The following CAMK4 variants were observed in gnomAD, a reference collection of about 807,000 sequenced individuals.
CAMK4 encodes the protein calcium/calmodulin-dependent protein kinase type IV.
In CAMK4, 22 loss-of-function variants were observed where a neutral mutation model predicts 44.9. The observed-to-expected ratio is 0.49, with a 90% confidence interval of 0.35 to 0.70. CAMK4 has a LOEUF of 0.70. Ranked by LOEUF, CAMK4 falls within the 30% of genes least tolerant of loss-of-function variation. CAMK4 has a pLI of 0.01. For missense variants in CAMK4, 498 were observed against 586.8 expected (o/e 0.85, Z 1.56); for synonymous variants, 218 against 215.4 (o/e 1.01, Z -0.11).
At chr5:111,378,228 C>T (rs775040128) in intron 4 of CAMK4, among the ~76,000 whole-genome samples, 1 of 152,026 alleles carries the variant, frequency 6.6e-6, no homozygotes, top group Non-Finnish European at 1.5e-5. Flanking sequence ...TATGAGAAAG[C>T]GGGCCCTCAC....
chr5:111,353,850 C>T (rs1006488358), intron 2 of CAMK4, among the ~76,000 whole-genome samples: 3 of 152,126 alleles, frequency 2.0e-5, no homozygotes, highest in Middle Eastern at 6.8e-3. Flanking sequence ...ACTGAAAGCA[C>T]ACAAATAAAT....
chr5:111,475,462 A>G (rs879638387), intron 8 of CAMK4, among the ~76,000 whole-genome samples: 1 of 152,234 alleles, frequency 6.6e-6, no homozygotes, highest in Non-Finnish European at 1.5e-5. Flanking sequence ...TGGGAAAATG[A>G]AGGGAAAAAT....
intron 7 of CAMK4, among the ~76,000 whole-genome samples, chr5:111,462,330 T>G (rs1754672458): frequency 6.6e-6 from 1 of 152,174 alleles, no homozygotes; most frequent in Non-Finnish European, 1.5e-5. Context: ...CACTTTGCAT[T>G]TCTTCCTTTG....
intron 5 of CAMK4, among the ~76,000 whole-genome samples, chr5:111,418,936 A>G (rs1234997288): frequency 2.6e-5 from 4 of 152,284 alleles, no homozygotes; most frequent in South Asian, 4.2e-4. Context: ...AGCATGATTT[A>G]TAGGCCTTTG....
chr5:111,354,176 GCTGGACACAAAGTCAAATA>G (rs1429115316), intron 2 of CAMK4, among the ~76,000 whole-genome samples: 2 of 152,176 alleles, frequency 1.3e-5, no homozygotes, highest in African/African-American at 2.4e-5. Context: ...AGTGAAATAT[GCTGGACACAAAGTCAAATA>G]CTGGACACAA....
At chr5:111,378,881 T>C (rs527471241) in intron 4 of CAMK4, among the ~76,000 whole-genome samples, 1 of 146,308 alleles carries the variant, frequency 6.8e-6, no homozygotes, top group South Asian at 2.4e-4. Context: ...TAATCCACTA[T>C]GAAGATACTC....
chr5:111,432,662 G>A (rs915579188), intron 5 of CAMK4, among the ~76,000 whole-genome samples: 3 of 142,956 alleles, frequency 2.1e-5, no homozygotes, highest in African/African-American at 7.7e-5. Context: ...ATATGTGTGT[G>A]TATATATATA....
At chr5:111,480,502 G>A (rs938040455) in intron 9 of CAMK4, among the ~76,000 whole-genome samples, 6 of 152,058 alleles carry the variant, frequency 3.9e-5, no homozygotes, top group African/African-American at 9.7e-5. Flanking sequence ...AGGACAAAGC[G>A]TGTGTACCCA....
At chr5:111,324,465 A>G (rs938376374) in intron 1 of CAMK4, among the ~76,000 whole-genome samples, 3 of 152,102 alleles carry the variant, frequency 2.0e-5, no homozygotes, top group African/African-American at 7.2e-5. Flanking sequence ...TTAAAAATGC[A>G]TTGCCAGAAA....
chr5:111,268,782 G>A (rs1444006944), intron 1 of CAMK4, among the ~76,000 whole-genome samples: 1 of 152,128 alleles, frequency 6.6e-6, no homozygotes, highest in African/African-American at 2.4e-5. Context: ...ATCTAACTTA[G>A]TATTCCTTTC....
At chr5:111,346,628 C>T (rs1461941477) in intron 2 of CAMK4, among the ~76,000 whole-genome samples, 2 of 151,770 alleles carry the variant, frequency 1.3e-5, no homozygotes, top group East Asian at 1.9e-4. Flanking sequence ...ATTGTGGAGG[C>T]AAGAAGTCCA....
intron 5 of CAMK4, among the ~76,000 whole-genome samples, chr5:111,419,257 G>C (rs1752931220): frequency 6.6e-6 from 1 of 151,772 alleles, no homozygotes; most frequent in African/African-American, 2.4e-5. Flanking sequence ...AGAAGTGTCT[G>C]TTCAAATCCT....
In CAMK4 at chr5:111,473,299, C is replaced by CT; in HGVS notation, c.626-7dup. ...AAGCTCTAATTTAACACAATTTTCA[C>CT]TTTTTCTGCAGCACCTGAAATTCTT... On this transcript the variant is annotated splice_polypyrimidine_tract_variant and intron_variant, in intron 7 of 10. Transcript: ENST00000282356. The CT allele has an allele frequency of 6.3e-7, 1 of 1,591,756 alleles. No homozygotes were observed. Among genetic ancestry groups the CT allele is most frequent in the Non-Finnish European group, 8.6e-7 (1 of 1,160,512 alleles).
At chr5:111,447,548 G>A (rs1754071967) in intron 6 of CAMK4, among the ~76,000 whole-genome samples, 1 of 152,066 alleles carries the variant, frequency 6.6e-6, no homozygotes, top group South Asian at 2.1e-4. Flanking sequence ...CCTTTAATTA[G>A]CACTTTAGAA....
At chr5:111,440,082 A>G (rs1324556854) in intron 5 of CAMK4, among the ~76,000 whole-genome samples, 1 of 152,166 alleles carries the variant, frequency 6.6e-6, no homozygotes, top group East Asian at 1.9e-4. Context: ...GGTTTGAGAG[A>G]ATATGGAGGT....
At chr5:111,432,664 A>G (rs35936927) in intron 5 of CAMK4, among the ~76,000 whole-genome samples, 50,467 of 103,486 alleles carry the variant, frequency 0.49, 9,377 homozygotes, top group Middle Eastern at 0.57. Context: ...ATGTGTGTGT[A>G]TATATATATA....
intron 4 of CAMK4, among the ~76,000 whole-genome samples, chr5:111,393,213 T>A (rs574552674): frequency 6.6e-6 from 1 of 152,328 alleles, no homozygotes; most frequent in South Asian, 2.1e-4. Flanking sequence ...TTACTGTTAT[T>A]GTCAACATGA....
chr5:111,380,957 A>G (rs1464266970), intron 4 of CAMK4, among the ~76,000 whole-genome samples: 1 of 152,126 alleles, frequency 6.6e-6, no homozygotes, highest in Non-Finnish European at 1.5e-5. Context: ...GAAGGTCTCA[A>G]CTTTAAGCCA....
At chr5:111,328,384 A>G (rs1461010467) in intron 1 of CAMK4, among the ~76,000 whole-genome samples, 1 of 151,738 alleles carries the variant, frequency 6.6e-6, no homozygotes, top group African/African-American at 2.4e-5. Context: ...CTGTTTTGGT[A>G]CCAGTACCTT....
Sources: gnomAD v4.1 joint callset for allele counts (sites outside exome capture counted in the v4.1 genomes callset) on GRCh38, gnomAD v4.1.1 for gene constraint, MANE v1.5 for transcripts, NCBI Gene and HGNC (gene_info 2026-07-23, HGNC 2026-07-21) for gene names.